The following C12orf42 variants were observed in gnomAD, a reference collection of about 807,000 sequenced individuals.
The protein encoded by C12orf42 is uncharacterized protein C12orf42.
C12orf42 carries 25 observed loss-of-function variants against 21.6 expected under a neutral mutation model. The observed-to-expected ratio is 1.16, with a 90% CI of 0.84 to 1.62. C12orf42 has a LOEUF of 1.62. Among genes scored for constraint, C12orf42 ranks in the 40% most tolerant of loss-of-function variants. The pLI is 0.00. For missense variants in C12orf42, 483 were observed against 459.3 expected (o/e 1.05, Z -0.47); for synonymous variants, 174 against 175.0 (o/e 0.99, Z 0.05).
intron 4 of C12orf42, among the ~76,000 whole-genome samples, chr12:103,343,925 T>C (rs2042392241): frequency 6.6e-6 from 1 of 152,216 alleles, no homozygotes; most frequent in South Asian, 2.1e-4. Context: ...GTTCTAATGG[T>C]ACAAATTCTT....
At chr12:103,443,597 T>G (rs1287114084) in intron 2 of C12orf42, among the ~76,000 whole-genome samples, 1 of 152,160 alleles carries the variant, frequency 6.6e-6, no homozygotes, top group African/African-American at 2.4e-5. Flanking sequence ...CTCTTCATTT[T>G]TTCAATTAGC....
chr12:103,203,908 G>C, the C12orf42 span, among the ~76,000 whole-genome samples: 1 of 152,186 alleles, frequency 6.6e-6, no homozygotes, highest in African/African-American at 2.4e-5. Flanking sequence ...GAGAAGAGCA[G>C]AAATTTATTT....
At chr12:103,072,395 G>A in the C12orf42 span, among the ~76,000 whole-genome samples, 68 of 151,250 alleles carry the variant, frequency 4.5e-4, no homozygotes, top group South Asian at 6.3e-4. Context: ...CATTAATCTC[G>A]GAAACTTCTT....
the C12orf42 span, among the ~76,000 whole-genome samples, chr12:103,534,179 T>C: frequency 6.6e-6 from 1 of 152,258 alleles, no homozygotes; most frequent in Non-Finnish European, 1.5e-5. Flanking sequence ...AATTATTTGA[T>C]GGCTATTTAA....
intron 5 of C12orf42, chr12:103,273,725 G>C: frequency 4.9e-6 from 2 of 408,090 alleles, no homozygotes; most frequent in South Asian, 1.8e-5. Flanking sequence ...AGAAATTAGG[G>C]AAAAGAAGAA....
intron 10 of C12orf42, among the ~76,000 whole-genome samples, chr12:103,257,194 C>T (rs957513345): frequency 1.3e-5 from 2 of 152,052 alleles, no homozygotes; most frequent in East Asian, 3.9e-4. Context: ...CACACTGGAG[C>T]CTTTCAAAGG....
chr12:103,335,132 C>A (rs1046817044), intron 4 of C12orf42, among the ~76,000 whole-genome samples: 2 of 152,218 alleles, frequency 1.3e-5, no homozygotes, highest in African/African-American at 4.8e-5. Context: ...TTTAACAAAA[C>A]ATCTTTAATC....
intron 10 of C12orf42, among the ~76,000 whole-genome samples, chr12:103,256,043 ACT>A (rs1469037430): frequency 9.3e-6 from 1 of 107,098 alleles, no homozygotes; most frequent in African/African-American, 3.8e-5. Flanking sequence ...AAAGAGCGAG[ACT>A]CTGTCTCAAA....
chr12:103,140,719 AC>A, the C12orf42 span, among the ~76,000 whole-genome samples: 1 of 152,194 alleles, frequency 6.6e-6, no homozygotes, highest in African/African-American at 2.4e-5. Flanking sequence ...AGCATAGGGA[AC>A]AAAACAAACT....
At chr12:103,143,916 GATA>G in the C12orf42 span, among the ~76,000 whole-genome samples, 2 of 152,166 alleles carry the variant, frequency 1.3e-5, no homozygotes, top group African/African-American at 2.4e-5. Context: ...GCAAAATGGG[GATA>G]ATAATACTAT....
intron 10 of C12orf42, among the ~76,000 whole-genome samples, chr12:103,257,182 C>T (rs1260067778): frequency 6.6e-6 from 1 of 152,100 alleles, no homozygotes; most frequent in Non-Finnish European, 1.5e-5. Context: ...AGGGAAACAA[C>T]ACACACTGGA....
chr12:103,191,543 C>CAAAAAAAAA, the C12orf42 span, among the ~76,000 whole-genome samples: 15 of 58,108 alleles, frequency 2.6e-4, no homozygotes, highest in East Asian at 5.6e-4. Flanking sequence ...CTCCACTCTA[C>CAAAAAAAAA]AAAAAAAAAA....
chr12:103,374,293 A>T (rs1375189930), intron 3 of C12orf42, among the ~76,000 whole-genome samples: 1 of 152,162 alleles, frequency 6.6e-6, no homozygotes, highest in Non-Finnish European at 1.5e-5. Context: ...GACAAAGCAA[A>T]TGCCCAGATC....
chr12:103,277,413 C>T (rs950678572), intron 4 of C12orf42, among the ~76,000 whole-genome samples: 2 of 152,060 alleles, frequency 1.3e-5, no homozygotes, highest in Admixed American at 6.5e-5. Flanking sequence ...ATCGTATCTG[C>T]TTCTGCATTA....
At chr12:103,155,364 G>C in the C12orf42 span, 1 of 152,116 alleles carries the variant, frequency 6.6e-6, no homozygotes, top group Non-Finnish European at 1.5e-5. Flanking sequence ...ATGGTGAAAG[G>C]TAAATATTTA....
intron 4 of C12orf42, among the ~76,000 whole-genome samples, chr12:103,352,065 C>T (rs2043145504): frequency 6.6e-6 from 1 of 152,056 alleles, no homozygotes; most frequent in Admixed American, 6.6e-5. Flanking sequence ...CCAGCTACCA[C>T]CACAAGCTCC....
At chr12:103,175,105 T>A in the C12orf42 span, among the ~76,000 whole-genome samples, 28 of 152,332 alleles carry the variant, frequency 1.8e-4, no homozygotes, top group African/African-American at 6.5e-4. Flanking sequence ...TATAGGATAT[T>A]GTCTCCTAAT....
chr12:103,327,201 T>C (rs1276235633), intron 4 of C12orf42, among the ~76,000 whole-genome samples: 1 of 152,124 alleles, frequency 6.6e-6, no homozygotes, highest in Non-Finnish European at 1.5e-5. Context: ...CTCGAGTTTC[T>C]CCCTAAAGAA....
intron 2 of C12orf42, among the ~76,000 whole-genome samples, chr12:103,432,103 A>G (rs1311762341): frequency 1.3e-5 from 2 of 152,128 alleles, no homozygotes; most frequent in Non-Finnish European, 2.9e-5. Flanking sequence ...GGCTGTCCAC[A>G]TGTGTAGTGT....
Sources: gnomAD v4.1 joint callset for allele counts (sites outside exome capture counted in the v4.1 genomes callset) on GRCh38, gnomAD v4.1.1 for gene constraint, MANE v1.5 for transcripts, NCBI Gene and HGNC (gene_info 2026-07-23, HGNC 2026-07-21) for gene names.